The following CDH12 variants were observed in gnomAD, a reference collection of about 807,000 sequenced individuals.
CDH12 encodes the protein cadherin 12.
CDH12 carries 41 observed loss-of-function variants against 74.1 expected under a neutral mutation model. That is an observed-to-expected ratio of 0.55 (90% CI 0.43 to 0.72). The LOEUF (loss-of-function observed/expected upper bound fraction) is 0.72. Ranked by LOEUF, CDH12 falls within the 30% of genes least tolerant of loss-of-function variation. The pLI is 0.00. For missense variants in CDH12, 945 were observed against 977.2 expected, an observed-to-expected ratio of 0.97 and a Z score of 0.44; for synonymous variants, 399 against 355.0, an observed-to-expected ratio of 1.12 and a Z score of -1.39.
intron 8 of CDH12, among the ~76,000 whole-genome samples, chr5:21,841,450 C>T (rs1208258832): frequency 6.6e-6 from 1 of 151,144 alleles, no homozygotes; most frequent in Non-Finnish European, 1.5e-5. Flanking sequence ...GTCAGTGTGG[C>T]GATTCCTCAG....
chr5:22,816,605 A>T (rs1455732288), intron 1 of CDH12, among the ~76,000 whole-genome samples: 1 of 152,150 alleles, frequency 6.6e-6, no homozygotes, highest in East Asian at 1.9e-4. Flanking sequence ...TGCCCTGCAA[A>T]AGAAGATAAT....
chr5:22,435,324 C>T (rs1220556708), intron 2 of CDH12, among the ~76,000 whole-genome samples: 1 of 151,816 alleles, frequency 6.6e-6, no homozygotes, highest in African/African-American at 2.4e-5. Flanking sequence ...CTTCCTTGTT[C>T]TTCATCTTGC....
intron 4 of CDH12, among the ~76,000 whole-genome samples, chr5:22,134,425 T>A (rs574346466): frequency 6.6e-6 from 1 of 152,004 alleles, no homozygotes; most frequent in Non-Finnish European, 1.5e-5. Flanking sequence ...TGGGGTGTAG[T>A]TGGGTGATCC....
chr5:22,328,225 A>T (rs1739205852), intron 3 of CDH12, among the ~76,000 whole-genome samples: 1 of 152,230 alleles, frequency 6.6e-6, no homozygotes, highest in Non-Finnish European at 1.5e-5. Context: ...TTTTTAAAAA[A>T]ATATATGTTT....
intron 1 of CDH12, among the ~76,000 whole-genome samples, chr5:22,511,858 G>T (rs1384021047): frequency 6.6e-6 from 1 of 151,916 alleles, no homozygotes; most frequent in Non-Finnish European, 1.5e-5. Flanking sequence ...ATAAGTAATT[G>T]CTTACATAAT....
intron 3 of CDH12, among the ~76,000 whole-genome samples, chr5:22,337,952 C>A (rs1393039029): frequency 6.6e-6 from 1 of 152,132 alleles, no homozygotes; most frequent in Non-Finnish European, 1.5e-5. Context: ...GGAAAGGAAA[C>A]CTTTGTACAC....
intron 1 of CDH12, among the ~76,000 whole-genome samples, chr5:22,607,352 C>A (rs189869640): frequency 1.3e-5 from 2 of 152,092 alleles, no homozygotes; most frequent in South Asian, 4.1e-4. Context: ...TAAAGACATA[C>A]CCAACACTGG....
chr5:21,843,952 A>T (rs1340855583), intron 7 of CDH12, among the ~76,000 whole-genome samples: 1 of 152,174 alleles, frequency 6.6e-6, no homozygotes, highest in East Asian at 1.9e-4. Flanking sequence ...ATTTTCAATA[A>T]GAAAATTATG....
intron 4 of CDH12, among the ~76,000 whole-genome samples, chr5:22,086,312 GA>G (rs1743063714): frequency 6.6e-6 from 1 of 151,410 alleles, no homozygotes; most frequent in Non-Finnish European, 1.5e-5. Context: ...TATGCTATTT[GA>G]ATTTTATTTA....
chr5:22,466,068 T>C (rs1431292229), intron 2 of CDH12, among the ~76,000 whole-genome samples: 1 of 152,146 alleles, frequency 6.6e-6, no homozygotes, highest in Non-Finnish European at 1.5e-5. Flanking sequence ...TTTATTCTTA[T>C]CTAAATTCAC....
rs534017691 is a variant in CDH12 at position 22,184,920 on chromosome 5, G to C, written c.-187+27578C>G. On this transcript the variant is annotated intron_variant, in intron 4 of 14. Coordinates refer to ENST00000382254, the MANE Select transcript of CDH12 (RefSeq NM_004061.5). ...GTTATGTAGGTAAACTTCTGTCATG[G>C]GGGTTTGTTGTACAGATGACTTCAT... 7.2e-4 allele frequency among the ~76,000 whole-genome samples: 110 copies of C among 152,220 alleles called. 2 individuals are homozygous for C. Among genetic ancestry groups the C allele is most frequent in the African/African-American group, 2.5e-3 (104 of 41,548 alleles).
At chr5:21,919,581 G>A (rs1754259923) in intron 6 of CDH12, among the ~76,000 whole-genome samples, 1 of 151,904 alleles carries the variant, frequency 6.6e-6, no homozygotes, top group African/African-American at 2.4e-5. Context: ...ATTTTCGCAG[G>A]CCAACCCCTA....
chr5:21,809,923 C>T (rs1395261600), intron 9 of CDH12, among the ~76,000 whole-genome samples: 2 of 151,878 alleles, frequency 1.3e-5, no homozygotes, highest in Non-Finnish European at 2.9e-5. Flanking sequence ...ATCAACTTTG[C>T]CTGAGGGACT....
chr5:21,809,387 T>C (rs1747617895), intron 9 of CDH12, among the ~76,000 whole-genome samples: 1 of 152,112 alleles, frequency 6.6e-6, no homozygotes. Flanking sequence ...CTATAAATGC[T>C]GAAATAAAAT....
At position 22,797,896 on chromosome 5, in the gene CDH12, T is replaced by A. The variant is rs549706938; in HGVS notation, c.-523+55162A>T. On this transcript the variant is annotated intron_variant, in intron 1 of 14. Transcript: ENST00000382254. ...CAATAACAATAGCCCTGACTCATAG[T>A]GTTGCTTTTGAGGAATAAATAACCT... Among the ~76,000 whole-genome samples the A allele has an allele frequency of 2.1e-3, 320 of 152,336 alleles. 2 individuals carry two copies. The highest frequency in any genetic ancestry group is 3.0e-3 in the Non-Finnish European group (202 of 68,028).
intron 4 of CDH12, chr5:22,142,616 C>T (rs1746877952): frequency 4.1e-6 from 2 of 488,904 alleles, no homozygotes; most frequent in Non-Finnish European, 7.5e-6. Context: ...ATTCTTACAT[C>T]CTACCATTAA....
chr5:22,074,174 C>A (rs947879399), intron 5 of CDH12, among the ~76,000 whole-genome samples: 1 of 152,142 alleles, frequency 6.6e-6, no homozygotes, highest in Non-Finnish European at 1.5e-5. Flanking sequence ...CTACAACTAT[C>A]TGATCTTTGA....
intron 5 of CDH12, among the ~76,000 whole-genome samples, chr5:22,049,319 G>A (rs1204443358): frequency 6.6e-6 from 1 of 152,088 alleles, no homozygotes; most frequent in Non-Finnish European, 1.5e-5. Flanking sequence ...ATTGTACCAT[G>A]ACACACCATG....
chr5:22,025,575 T>C (rs1422805566), intron 5 of CDH12, among the ~76,000 whole-genome samples: 1 of 152,132 alleles, frequency 6.6e-6, no homozygotes, highest in East Asian at 1.9e-4. Flanking sequence ...GAAGGCTGGG[T>C]TGGCTGCAGT....
Sources: allele counts gnomAD v4.1 joint callset (sites outside exome capture counted in the v4.1 genomes callset), GRCh38; gene constraint gnomAD v4.1.1; transcripts MANE v1.5; gene names NCBI Gene and HGNC (gene_info 2026-07-23, HGNC 2026-07-21).